RAPGEF2: variants seen among roughly 807,000 people sequenced by gnomAD.
RAPGEF2 encodes the protein PDZ domain containing guanine nucleotide exchange factor (GEF) 1.
RAPGEF2 carries 54 observed loss-of-function variants against 186.7 expected under a neutral mutation model. The observed-to-expected ratio is 0.29, with a 90% CI of 0.23 to 0.36. The LOEUF is 0.36. RAPGEF2 is among the 10% of genes least tolerant of loss of function. The pLI is 1.00. For missense variants in RAPGEF2, 1,532 were observed against 2,045.0 expected (o/e 0.75, Z 4.84); for synonymous variants, 712 against 705.9 (o/e 1.01, Z -0.14).
chr4:159,130,836 A>G (rs919519817), intron 1 of RAPGEF2, among the ~76,000 whole-genome samples: 1 of 151,272 alleles, frequency 6.6e-6, no homozygotes, highest in South Asian at 2.1e-4. Context: ...CAGCCTCCCA[A>G]GTAGCTGGGA....
In RAPGEF2 at chr4:159,123,934, C is replaced by G. The variant is rs369419554; in HGVS notation, c.69+19703C>G. Among the ~76,000 whole-genome samples the G allele has an allele frequency of 1.2e-3, 188 of 152,252 alleles. 3 individuals carry two copies. The South Asian group carries it at 0.023, about 18-fold the overall frequency. ...GCAGTGGCGTGTTCTCGTCTCACCG[C>G]AAACTCTGCCTCCCGGGTTCAAGCA... On this transcript the variant is annotated intron_variant, in intron 1 of 29. Transcript: ENST00000691494.
intron 4 of RAPGEF2, among the ~76,000 whole-genome samples, chr4:159,222,758 G>T (rs1481626104): frequency 1.3e-5 from 2 of 152,146 alleles, no homozygotes; most frequent in Non-Finnish European, 2.9e-5. Flanking sequence ...TGTACTCTCT[G>T]TATTGGGGTC....
intron 20 of RAPGEF2, 95 bp downstream of exon 20, chr4:159,342,042 T>G: frequency 8.3e-7 from 1 of 1,208,268 alleles, no homozygotes; most frequent in Admixed American, 2.5e-5. Flanking sequence ...ATAAATGCTA[T>G]AGGTTTTAAT....
chr4:159,194,189 G>C (rs1748393204), intron 3 of RAPGEF2, among the ~76,000 whole-genome samples: 2 of 152,190 alleles, frequency 1.3e-5, no homozygotes, highest in African/African-American at 4.8e-5. Context: ...GGGACGCAGA[G>C]AGGTGACGGG....
chr4:159,300,149 A>G, intron 7 of RAPGEF2, among the ~76,000 whole-genome samples: 1 of 151,422 alleles, frequency 6.6e-6, no homozygotes, highest in South Asian at 2.1e-4. Context: ...ATACTTTAAT[A>G]CTAATATACT....
intron 1 of RAPGEF2, among the ~76,000 whole-genome samples, chr4:159,182,368 C>G (rs1747094400): frequency 6.9e-6 from 1 of 145,216 alleles, no homozygotes; most frequent in Non-Finnish European, 1.5e-5. Context: ...GAAAAGCTTC[C>G]TAGTATTTTC....
Position 159,352,735 on chromosome 4 carries a change from C to A in RAPGEF2, c.3916C>A (p.His1306Asn). ...TGTGGATAATTTTTCAGATTCTGGTCACAGTGAAATTTCTTCACGATCCAG... is the reference window on the plus strand; with the variant it reads ...TGTGGATAATTTTTCAGATTCTGGTAACAGTGAAATTTCTTCACGATCCAG... Reference protein sequence around the residue: ...GTVDNFSDSGHSEISSRSSIV... With the variant: ...GTVDNFSDSGNSEISSRSSIV... Residue 1306 changes from histidine to asparagine, a missense_variant, in exon 27 of 30, where the codon CAC becomes AAC. By Grantham distance (68) the His-to-Asn change is moderately conservative (BLOSUM62 1). Coordinates refer to ENST00000691494, the MANE Select transcript of RAPGEF2 (RefSeq NM_001394067.2). 6.2e-7 allele frequency: 1 copy of A among 1,614,148 alleles called. No homozygotes were observed. The highest frequency in any genetic ancestry group is 1.1e-5 in the South Asian group (1 of 91,064).
At chr4:159,328,361 A>G (rs887531417) in intron 11 of RAPGEF2, 5 of 152,118 alleles carry the variant, frequency 3.3e-5, no homozygotes, top group Non-Finnish European at 5.9e-5. Context: ...AAAATGTAAT[A>G]TCAGAGCTCT....
intron 4 of RAPGEF2, among the ~76,000 whole-genome samples, chr4:159,222,689 T>C (rs979006336): frequency 2.0e-5 from 3 of 152,186 alleles, no homozygotes; most frequent in African/African-American, 7.2e-5. Flanking sequence ...TTCACTTGTA[T>C]GAATTCAGGG....
intron 8 of RAPGEF2, among the ~76,000 whole-genome samples, chr4:159,310,588 G>A (rs1763839470): frequency 6.6e-6 from 1 of 152,002 alleles, no homozygotes; most frequent in South Asian, 2.1e-4. Flanking sequence ...AGTCCCTTTT[G>A]ATTTAAATAG....
Position 159,281,392 on chromosome 4 carries a change from GGCATGGTGGCTCATGCCTGTAATCCCA to G in RAPGEF2, c.544-22946_544-22920del, listed in dbSNP as rs561995836. 8.2e-3 allele frequency among the ~76,000 whole-genome samples: 1,253 copies of G among 151,900 alleles called. 15 individuals carry two copies. The highest frequency in any genetic ancestry group is 0.028 in the African/African-American group (1,172 of 41,438). ...ATATTGTTTTGAAAATTATTGGCTG[GGCATGGTGGCTCATGCCTGTAATCCCA>G]GCACTTTGGGAGGCTGAGGCAGGTG... is the stretch of plus-strand genomic sequence containing the variant. On this transcript the variant is annotated intron_variant, in intron 7 of 29. Coordinates refer to ENST00000691494, the MANE Select transcript of RAPGEF2 (RefSeq NM_001394067.2).
At chr4:159,224,831 G>C (rs958954213) in intron 4 of RAPGEF2, among the ~76,000 whole-genome samples, 1 of 152,112 alleles carries the variant, frequency 6.6e-6, no homozygotes, top group African/African-American at 2.4e-5. Flanking sequence ...TATTTCCATG[G>C]AAAAAGAAGT....
chr4:159,268,247 T>C, intron 7 of RAPGEF2: 1 of 1,471,980 alleles, frequency 6.8e-7, no homozygotes, highest in Middle Eastern at 1.7e-4. Context: ...TGTGCTTTGA[T>C]AGCACGTCAT....
At chr4:159,170,474 T>C (rs951496910) in intron 1 of RAPGEF2, among the ~76,000 whole-genome samples, 3 of 152,160 alleles carry the variant, frequency 2.0e-5, no homozygotes, top group Non-Finnish European at 2.9e-5. Context: ...ACACCAACTA[T>C]TCACATAGTA....
Position 159,107,404 on chromosome 4 carries a change from C to T in RAPGEF2, c.69+3173C>T, listed in dbSNP as rs532564734. ...TGGTTTTTCTAAACCATTTTGTTAA[C>T]TTGTTGAGTTCAGGCCCTTTGAAAT... On this transcript the variant is annotated intron_variant, in intron 1 of 29. Coordinates refer to ENST00000691494, the MANE Select transcript of RAPGEF2 (RefSeq NM_001394067.2). Among the ~76,000 whole-genome samples the T allele has an allele frequency of 2.0e-5, 3 of 152,206 alleles. No individual in the cohort carries two copies. In the South Asian group the frequency reaches 6.2e-4, roughly 32 times the overall value.
chr4:159,182,700 T>C (rs550445365), intron 1 of RAPGEF2, among the ~76,000 whole-genome samples: 1 of 152,334 alleles, frequency 6.6e-6, no homozygotes, highest in Admixed American at 6.5e-5. Flanking sequence ...CCAGCCTTAG[T>C]ACTTTCTTTA....
At chr4:159,239,039 A>G (rs1471087372) in intron 5 of RAPGEF2, among the ~76,000 whole-genome samples, 155 bp downstream of exon 5, 1 of 150,554 alleles carries the variant, frequency 6.6e-6, no homozygotes, top group Non-Finnish European at 1.5e-5. Context: ...TTTTATTAAT[A>G]TGAATTTGAG....
chr4:159,149,547 G>A (rs1035995036), intron 1 of RAPGEF2, among the ~76,000 whole-genome samples: 3 of 152,144 alleles, frequency 2.0e-5, no homozygotes, highest in East Asian at 3.9e-4. Flanking sequence ...GTGAGCCACC[G>A]CGCCTGGCCT....
intron 2 of RAPGEF2, 139 bp downstream of exon 2, chr4:159,186,851 A>AATACATTGT: frequency 1.9e-6 from 1 of 520,608 alleles, no homozygotes; most frequent in Non-Finnish European, 3.3e-6. Flanking sequence ...CTGATATTTT[A>AATACATTGT]ATACATGTAT....
Sources: gnomAD v4.1 joint callset for allele counts (sites outside exome capture counted in the v4.1 genomes callset) on GRCh38, gnomAD v4.1.1 for gene constraint, MANE v1.5 for transcripts, NCBI Gene and HGNC (gene_info 2026-07-23, HGNC 2026-07-21) for gene names.